Variants in PAG1 observed in about 807,000 individuals in gnomAD.
The protein encoded by PAG1 is phosphoprotein membrane anchor with glycosphingolipid microdomains 1.
Under a neutral mutation model 31.7 loss-of-function variants are expected in PAG1, and 23 were observed. The ratio of observed to expected loss-of-function variants is 0.73; its 90% CI spans 0.52 to 1.03. PAG1 has a LOEUF of 1.03. Among genes scored for constraint, PAG1 ranks in the 50% least tolerant of loss-of-function variants. PAG1 has a pLI of 0.00. For synonymous variants in PAG1, 214 were observed against 210.3 expected, an observed-to-expected ratio of 1.02 and a Z score of -0.15; for missense variants, 473 against 540.7, an observed-to-expected ratio of 0.87 and a Z score of 1.24.
intron 2 of PAG1, among the ~76,000 whole-genome samples, chr8:81,033,365 T>G (rs1188945645): frequency 6.6e-6 from 1 of 152,228 alleles, no homozygotes; most frequent in Admixed American, 6.5e-5. Flanking sequence ...TCTTCAGGTC[T>G]CCTTTCATCT....
chr8:81,111,113 G>C (rs567138841), intron 1 of PAG1, among the ~76,000 whole-genome samples: 1 of 152,206 alleles, frequency 6.6e-6, no homozygotes, highest in East Asian at 1.9e-4. Context: ...TAAAGGACTA[G>C]GCTCCAATTA....
rs951882669 is a variant in PAG1 at position 80,988,869 on chromosome 8, G to C, written c.178-1403C>G. ...AGATGCTACCTAGAACAATATGCCTGGCTCAGCTATAGCTAAGAGTAGTCA... is the reference window on the plus strand; with the variant it reads ...AGATGCTACCTAGAACAATATGCCTCGCTCAGCTATAGCTAAGAGTAGTCA... On this transcript the variant is annotated intron_variant, in intron 5 of 8. Transcript: ENST00000220597. Among the ~76,000 whole-genome samples the C allele has an allele frequency of 3.3e-5, 5 of 151,992 alleles. No homozygotes were observed. In the South Asian group the frequency reaches 6.2e-4, roughly 19 times the overall value.
At chr8:81,009,710 T>G (rs1807946947) in intron 3 of PAG1, among the ~76,000 whole-genome samples, 1 of 152,168 alleles carries the variant, frequency 6.6e-6, no homozygotes, top group Non-Finnish European at 1.5e-5. Context: ...ACTCCTGGGC[T>G]CAAGAGATCC....
chr8:80,992,012 G>A (rs1807560582), intron 4 of PAG1, among the ~76,000 whole-genome samples: 1 of 152,164 alleles, frequency 6.6e-6, no homozygotes, highest in South Asian at 2.1e-4. Flanking sequence ...CTATGGGAAA[G>A]TCTGTCAAGT....
intron 5 of PAG1, 121 bp downstream of exon 5, chr8:80,991,358 T>C: frequency 1.3e-6 from 1 of 757,268 alleles, no homozygotes; most frequent in Non-Finnish European, 2.4e-6. Context: ...CCGTTTAACT[T>C]AGGCTTAGCT....
rs763286053 is a variant in PAG1, at chr8:80,976,547, G to T, written c.1296C>A (p.Leu432=). ...CCCAGGGTTGTCTTCTGGGTTGCTA[G>T]AGCCTGGTAATATCTCTGCCTTGCT... ...DLQQGRDITR[L] The change falls in exon 9 of 9, where the codon CTC becomes CTA. Residue 432 remains leucine (L), a synonymous_variant. Coordinates refer to ENST00000220597, the MANE Select transcript of PAG1 (RefSeq NM_018440.4). 2 of 1,609,062 alleles carry T rather than the reference G, an allele frequency of 1.2e-6. No individual in the cohort carries two copies. The highest frequency in any genetic ancestry group is 1.7e-5 in the Admixed American group (1 of 59,440).
intron 1 of PAG1, among the ~76,000 whole-genome samples, chr8:81,072,144 A>G (rs959542392): frequency 6.6e-6 from 1 of 152,158 alleles, no homozygotes; most frequent in African/African-American, 2.4e-5. Flanking sequence ...GCTAGTGAGT[A>G]TATCTAATAA....
chr8:80,986,041 T>C (rs926970872), intron 6 of PAG1, among the ~76,000 whole-genome samples: 1 of 152,210 alleles, frequency 6.6e-6, no homozygotes, highest in African/African-American at 2.4e-5. Context: ...GTCAACCGTG[T>C]TGTGAGTGCC....
intron 1 of PAG1, among the ~76,000 whole-genome samples, chr8:81,074,087 G>A (rs959360885): frequency 9.9e-5 from 15 of 152,224 alleles, no homozygotes; most frequent in Middle Eastern, 3.2e-3. Context: ...AAGATTATTA[G>A]CTGAGAATGA....
At chr8:81,091,991 C>A (rs1212496308) in intron 1 of PAG1, among the ~76,000 whole-genome samples, 1 of 134,042 alleles carries the variant, frequency 7.5e-6, no homozygotes, top group African/African-American at 3.0e-5. Context: ...CACAGCAAGA[C>A]CTTGTCTCAA....
chr8:81,063,507 G>A (rs1222437545), intron 2 of PAG1, among the ~76,000 whole-genome samples: 1 of 152,156 alleles, frequency 6.6e-6, no homozygotes, highest in Non-Finnish European at 1.5e-5. Flanking sequence ...TCATAAGACG[G>A]AGTGGGAGTC....
chr8:81,107,445 G>A (rs1199795858), intron 1 of PAG1, among the ~76,000 whole-genome samples: 1 of 152,196 alleles, frequency 6.6e-6, no homozygotes, highest in Non-Finnish European at 1.5e-5. Flanking sequence ...AGTGGCAGCA[G>A]AACGTTCTAT....
At chr8:81,054,661 C>T (rs994889250) in intron 2 of PAG1, among the ~76,000 whole-genome samples, 8 of 151,364 alleles carry the variant, frequency 5.3e-5, no homozygotes, top group Non-Finnish European at 1.2e-4. Context: ...GGCAACAGAG[C>T]GAGACTCCGT....
At chr8:81,020,378 G>T (rs767445834) in intron 3 of PAG1, among the ~76,000 whole-genome samples, 11 of 152,154 alleles carry the variant, frequency 7.2e-5, no homozygotes, top group Non-Finnish European at 1.5e-4. Context: ...ATCTTAAATT[G>T]TAGCTCCCAT....
chr8:81,073,299 G>A lies in PAG1; in HGVS notation c.-233-3129C>T, dbSNP rs531700111. 5.3e-5 allele frequency among the ~76,000 whole-genome samples: 8 copies of A among 152,282 alleles called. No homozygotes were observed. The South Asian group carries it at 1.2e-3, about 24-fold the overall frequency. On this transcript the variant is annotated intron_variant, in intron 1 of 8. Transcript: ENST00000220597. ...TCCCAAGTGAGTATGACAATGCTAC[G>A]GAGTGCAGAGCAGTGTCGGGTGGTT...
At chr8:81,015,149 A>T (rs1245820966) in intron 3 of PAG1, among the ~76,000 whole-genome samples, 1 of 152,238 alleles carries the variant, frequency 6.6e-6, no homozygotes, top group African/African-American at 2.4e-5. Flanking sequence ...CAGATAAATA[A>T]ATCTCCATTG....
intron 2 of PAG1, among the ~76,000 whole-genome samples, chr8:81,031,011 TC>T (rs1329936658): frequency 6.6e-6 from 1 of 152,218 alleles, no homozygotes; most frequent in Non-Finnish European, 1.5e-5. Flanking sequence ...GAGGCATAAT[TC>T]CTGATTTCTG....
chr8:80,976,414 G>A lies in PAG1; in HGVS notation c.*130C>T. 3 of 902,766 alleles carry A rather than the reference G, an allele frequency of 3.3e-6. No individual in the cohort carries two copies. Among genetic ancestry groups the A allele is most frequent in the Non-Finnish European group, 5.0e-6 (3 of 595,212 alleles). 55.9% of individuals were successfully genotyped at this position (902,766 alleles called of 1,614,324 possible). A position where few individuals can be genotyped will look rare whatever the true frequency, so the allele number is the denominator to read the frequency against. Reference sequence around the variant, plus strand: ...TGAACAACTGGGAGAACAGTCGACAGGGCCTCTCCAACCATCTTCAGGTGA... The same window carrying A: ...TGAACAACTGGGAGAACAGTCGACAAGGCCTCTCCAACCATCTTCAGGTGA... On this transcript the variant is annotated 3_prime_UTR_variant, in exon 9 of 9. Coordinates refer to ENST00000220597, the MANE Select transcript of PAG1 (RefSeq NM_018440.4).
intron 1 of PAG1, among the ~76,000 whole-genome samples, chr8:81,097,724 AAG>A (rs1047926071): frequency 1.3e-5 from 2 of 151,136 alleles, no homozygotes; most frequent in African/African-American, 2.5e-5. Context: ...AAAAAAAAAA[AAG>A]AAGTAATAAA....
Sources: gnomAD v4.1 joint callset for allele counts (sites outside exome capture counted in the v4.1 genomes callset) on GRCh38, gnomAD v4.1.1 for gene constraint, MANE v1.5 for transcripts, NCBI Gene and HGNC (gene_info 2026-07-23, HGNC 2026-07-21) for gene names.